The following ZNF777 variants were observed in gnomAD, a reference collection of about 807,000 sequenced individuals.
The protein encoded by ZNF777 is zinc finger protein 777.
ZNF777 carries 7 observed loss-of-function variants against 72.1 expected under a neutral mutation model. That is an observed-to-expected ratio of 0.10 (90% CI 0.06 to 0.18). The LOEUF (loss-of-function observed/expected upper bound fraction) is 0.18. Among genes scored for constraint, ZNF777 ranks in the 10% least tolerant of loss-of-function variants. ZNF777 has a pLI of 1.00. For missense variants in ZNF777, 828 were observed against 1,128.6 expected (o/e 0.73, Z 3.82); for synonymous variants, 545 against 483.5 (o/e 1.13, Z -1.67).
At chr7:149,450,015 A>G (rs1266249074) in intron 4 of ZNF777, among the ~76,000 whole-genome samples, 3 of 152,172 alleles carry the variant, frequency 2.0e-5, no homozygotes, top group Non-Finnish European at 4.4e-5. Context: ...AATCAACGAC[A>G]TTAGTTCCTA....
chr7:149,436,623 C>T lies in ZNF777; in HGVS notation c.1291G>A (p.Glu431Lys), dbSNP rs748303745. 9 of 1,613,046 alleles carry T rather than the reference C, an allele frequency of 5.6e-6. No homozygotes were observed. Among genetic ancestry groups the T allele is most frequent in the African/African-American group, 5.3e-5 (4 of 74,922 alleles). Residue 431 changes from glutamate (E) to lysine (K), a missense_variant, in exon 5 of 6, where the codon GAG becomes AAG. By Grantham distance (56) the Glu-to-Lys change is moderately conservative. Around this residue, in one of 12 missense-constraint regions of ZNF777, gnomAD observed 219 missense variants for 223.0 expected, o/e 0.98. Coordinates refer to ENST00000247930, the MANE Select transcript of ZNF777 (RefSeq NM_015694.3). The surrounding 1 kb of genome is among the most constrained non-coding windows in gnomAD (Gnocchi z 5.0). ...AGCATCTGCTTCAGTTCGCTGAACT[C>T]GCTGGAGCCTTCCGTGGACTCCTCC... ...TLEESTEGSS[E>K]FSELKQMLVQ... is the part of the protein sequence containing the mutation.
At chr7:149,459,499 G>A (rs1166623264) in intron 1 of ZNF777, among the ~76,000 whole-genome samples, 1 of 152,044 alleles carries the variant, frequency 6.6e-6, no homozygotes. Flanking sequence ...GGCGCTGCCC[G>A]GCCTCCCCCG....
Position 149,432,529 on chromosome 7 carries a change from G to A in ZNF777, c.1743C>T (p.Ile581=), listed in dbSNP as rs750702647. The A allele has an allele frequency of 6.2e-7, 1 of 1,613,822 alleles. No homozygotes were observed. Among genetic ancestry groups the A allele is most frequent in the Non-Finnish European group, 8.5e-7 (1 of 1,179,868 alleles). The change falls in exon 6 of 6, where the codon ATC becomes ATT. Residue 581 remains isoleucine, a synonymous_variant. Coordinates refer to ENST00000247930, the MANE Select transcript of ZNF777 (RefSeq NM_015694.3). ...TGAGCTGTTGCTTGTGCCGGAAGCT[G>A]ATCTCGCATTCGGCGCACTCGTAGG... ...EGPYECAECE[I]SFRHKQQLTL...
In ZNF777 at chr7:149,454,980, G is replaced by A. The variant is rs74875196; in HGVS notation, c.846+197C>T. Among the ~76,000 whole-genome samples the A allele has an allele frequency of 5.4e-4, 82 of 152,272 alleles. No homozygotes were observed. The East Asian group carries it at 7.1e-3, about 13-fold the overall frequency. On this transcript the variant is annotated intron_variant, in intron 2 of 5. Coordinates refer to ENST00000247930, the MANE Select transcript of ZNF777 (RefSeq NM_015694.3). The stretch of plus-strand genomic sequence containing the variant: ...ACACCCTTCCAAACTGACAATCCCC[G>A]ATCCCAGGGGCATTTCTGTACTAGC...
chr7:149,458,984 C>G (rs762124033), intron 1 of ZNF777, among the ~76,000 whole-genome samples: 3 of 152,076 alleles, frequency 2.0e-5, no homozygotes, highest in Non-Finnish European at 2.9e-5. Context: ...GCATCCATAA[C>G]CACAGTATCT....
At chr7:149,446,960 C>T (rs895300043) in intron 4 of ZNF777, among the ~76,000 whole-genome samples, 1 of 152,178 alleles carries the variant, frequency 6.6e-6, no homozygotes, top group Non-Finnish European at 1.5e-5. Context: ...TGGGCATACT[C>T]TCTCCTTCTG....
chr7:149,458,582 C>G, intron 1 of ZNF777, among the ~76,000 whole-genome samples: 1 of 152,212 alleles, frequency 6.6e-6, no homozygotes, highest in East Asian at 1.9e-4. Context: ...CAGACCAAGG[C>G]ATCTTTACCA....
At position 149,455,938 on chromosome 7, in the gene ZNF777, G is replaced by T. The variant is rs766360952; in HGVS notation, c.85C>A (p.Arg29=). 2 of 1,613,682 alleles carry T rather than the reference G, an allele frequency of 1.2e-6. No homozygotes were observed. The highest frequency in any genetic ancestry group is 1.7e-6 in the Non-Finnish European group (2 of 1,179,930). ...TLRQAPAGLP[R]ETLFQSRVLP... is the part of the protein sequence containing the mutation. ...ACGCGGGATTGGAACAGAGTTTCTC[G>T]GGGGAGTCCAGCAGGGGCCTGACGT... The change falls in exon 2 of 6, where the codon CGA becomes AGA. Residue 29 remains arginine (R), a synonymous_variant. Coordinates refer to ENST00000247930, the MANE Select transcript of ZNF777 (RefSeq NM_015694.3). The surrounding 1 kb of genome is among the most constrained non-coding windows in gnomAD (Gnocchi z 4.2).
intron 4 of ZNF777, among the ~76,000 whole-genome samples, chr7:149,439,867 G>GT (rs1799477375): frequency 6.6e-6 from 1 of 152,132 alleles, no homozygotes; most frequent in Admixed American, 6.5e-5. Flanking sequence ...TTTGGGAAAT[G>GT]TATCTCTTAT....
intron 4 of ZNF777, among the ~76,000 whole-genome samples, chr7:149,442,388 T>C (rs558307821): frequency 6.6e-6 from 1 of 150,550 alleles, no homozygotes; most frequent in African/African-American, 2.4e-5. Context: ...GAGGCCAAGG[T>C]AGGTGGATCA....
intron 4 of ZNF777, among the ~76,000 whole-genome samples, chr7:149,445,596 C>T (rs1416899964): frequency 1.3e-5 from 2 of 152,200 alleles, no homozygotes; most frequent in African/African-American, 4.8e-5. Flanking sequence ...GTGTTGGCAA[C>T]ATTTCGGGAG....
chr7:149,439,556 CT>C (rs1201184437), intron 4 of ZNF777, among the ~76,000 whole-genome samples: 2 of 152,196 alleles, frequency 1.3e-5, no homozygotes, highest in African/African-American at 4.8e-5. Context: ...TGAACAAATT[CT>C]TCTTTGATAG....
intron 4 of ZNF777, among the ~76,000 whole-genome samples, chr7:149,442,728 A>C (rs1799544943): frequency 6.6e-6 from 1 of 152,216 alleles, no homozygotes; most frequent in Admixed American, 6.5e-5. Flanking sequence ...ATCAATAATA[A>C]AAAGACGAGT....
chr7:149,442,640 C>T (rs1799542892), intron 4 of ZNF777, among the ~76,000 whole-genome samples: 1 of 150,758 alleles, frequency 6.6e-6, no homozygotes, highest in African/African-American at 2.4e-5. Context: ...AAAAGTAAAC[C>T]ACAAACTAGG....
rs561998328 is a variant in ZNF777 at position 149,432,348 on chromosome 7, C to T, written c.1924G>A (p.Asp642Asn). 6.2e-6 allele frequency: 10 copies of T among 1,610,960 alleles called. No homozygotes were observed. The Admixed American group carries it at 1.0e-4, about 16-fold the overall frequency. ...CTGGACTTGTGGCTGAAGCTGCTGT[C>T]GCACTCGGGGCACTTGTAGGGCTTA... is the stretch of plus-strand genomic sequence containing the variant. ...GPKPYKCPEC[D>N]SSFSHKSSLT... is the part of the protein sequence containing the mutation. The change falls in exon 6 of 6, where the codon GAC (aspartate) becomes AAC (asparagine). Residue 642 changes from aspartate to asparagine, a missense_variant. Physicochemically the swap from Asp to Asn is conservative, Grantham distance 23. Coordinates refer to ENST00000247930, the MANE Select transcript of ZNF777 (RefSeq NM_015694.3).
intron 3 of ZNF777, among the ~76,000 whole-genome samples, chr7:149,452,206 A>G (rs1055463346): frequency 1.3e-5 from 2 of 151,966 alleles, no homozygotes; most frequent in African/African-American, 4.8e-5. Flanking sequence ...CGGAGCGTGC[A>G]GTGAGCCGAG....
Position 149,432,230 on chromosome 7 carries a change from A to T in ZNF777, c.2042T>A (p.Ile681Asn). The T allele has an allele frequency of 1.3e-6, 2 of 1,597,738 alleles. No homozygotes were observed. The highest frequency in any genetic ancestry group is 1.7e-6 in the Non-Finnish European group (2 of 1,176,702). ...KSFRLHISLV[I>N]HQRVHAGKHE... is the part of the protein sequence containing the mutation. ...CTTGCCCGCGTGCACGCGCTGATGG[A>T]TCACCAAGCTGATGTGCAGGCGGAA... is the stretch of plus-strand genomic sequence containing the variant. Residue 681 changes from isoleucine to asparagine, a missense_variant, in exon 6 of 6, where the codon ATC (isoleucine) becomes AAC (asparagine). By Grantham distance (149) the Ile-to-Asn change is moderately radical. Coordinates refer to ENST00000247930, the MANE Select transcript of ZNF777 (RefSeq NM_015694.3).
At chr7:149,432,965 C>A in intron 5 of ZNF777, 33 bp from the exon 6 acceptor site, 1 of 1,451,366 alleles carries the variant, frequency 6.9e-7, no homozygotes. Flanking sequence ...AAGTCGTTAG[C>A]TGCTGCCTGG....
In ZNF777 at chr7:149,436,941, C is replaced by A. The variant is rs982694484; in HGVS notation, c.1088-115G>T. ...TCTCAATAAGTCTTATCTTAGAGAC[C>A]CTGAAGAAATGTAATATTGAGTTGG... On this transcript the variant is annotated intron_variant, in intron 4 of 5. Coordinates refer to ENST00000247930, the MANE Select transcript of ZNF777 (RefSeq NM_015694.3). This position sits in a 1 kb window ranked among gnomAD's most constrained non-coding sequence, Gnocchi z 5.0. The A allele has an allele frequency of 9.1e-6, 12 of 1,324,298 alleles. No homozygotes were observed. The African/African-American group carries it at 1.6e-4, about 18-fold the overall frequency. The allele number at this position is 1,324,298 out of a possible 1,614,324, so 82.0% of individuals were successfully genotyped here. A position where few individuals can be genotyped will look rare whatever the true frequency, so the allele number is the denominator to read the frequency against.
Sources: allele counts gnomAD v4.1 joint callset (sites outside exome capture counted in the v4.1 genomes callset), GRCh38; gene constraint gnomAD v4.1.1; regional missense constraint gnomAD v4.1.1; non-coding constraint Gnocchi (gnomAD v3.1); transcripts MANE v1.5; gene names NCBI Gene and HGNC (gene_info 2026-07-23, HGNC 2026-07-21).